Variants in TGM3 observed in about 807,000 individuals in gnomAD.
TGM3 encodes the protein transglutaminase 3.
Under a neutral mutation model 73.8 loss-of-function variants are expected in TGM3, and 52 were observed. That is an observed-to-expected ratio of 0.70 (90% CI 0.56 to 0.89). The LOEUF (loss-of-function observed/expected upper bound fraction) is 0.89, where lower values mean the gene tolerates loss of function less well. Ranked by LOEUF, TGM3 falls within the 40% of genes least tolerant of loss-of-function variation. The pLI is 0.00. For missense variants in TGM3, 928 were observed against 909.9 expected (o/e 1.02, Z -0.26); for synonymous variants, 372 against 354.9 (o/e 1.05, Z -0.54).
rs537144264 is a variant in TGM3 at position 2,334,071 on chromosome 20, A to C, written c.1643-1045A>C. Among the ~76,000 whole-genome samples, 8 of 152,280 alleles carry C rather than the reference A, an allele frequency of 5.3e-5. No homozygotes were observed. In the South Asian group the frequency reaches 1.7e-3, roughly 32 times the overall value. The stretch of plus-strand genomic sequence containing the variant: ...CCAGCATGACAGCCTGAGGGAAGGG[A>C]GCACCTAAGCCCATCAGGGTAGGGA... On this transcript the variant is annotated intron_variant, in intron 10 of 12. Transcript: ENST00000381458. This position sits in a 1 kb window ranked among gnomAD's most constrained non-coding sequence, Gnocchi z 4.0.
At chr20:2,296,658 G>A (rs1040095321) in intron 1 of TGM3, among the ~76,000 whole-genome samples, 2 of 152,112 alleles carry the variant, frequency 1.3e-5, no homozygotes, top group African/African-American at 2.4e-5. Context: ...AAGCCTCCCC[G>A]TAGCAGGAGC....
intron 7 of TGM3, among the ~76,000 whole-genome samples, chr20:2,320,957 G>T (rs1028489365): frequency 1.3e-5 from 2 of 152,164 alleles, no homozygotes; most frequent in Non-Finnish European, 2.9e-5. Context: ...CCTAGAGACT[G>T]CCCAGCCCTG....
intron 1 of TGM3, among the ~76,000 whole-genome samples, chr20:2,301,556 A>C (rs932171784): frequency 6.6e-6 from 1 of 151,662 alleles, no homozygotes; most frequent in Admixed American, 6.6e-5. Flanking sequence ...CAGAAGAGAA[A>C]ATATCAGAGT....
intron 9 of TGM3, among the ~76,000 whole-genome samples, chr20:2,331,255 G>A (rs867269205): frequency 2.0e-4 from 31 of 152,000 alleles, no homozygotes; most frequent in African/African-American, 5.3e-4. Context: ...GCTTGCAGTC[G>A]GTTACTCAGC....
intron 11 of TGM3, 119 bp from the exon 12 acceptor site, chr20:2,339,735 C>G: frequency 7.1e-7 from 1 of 1,402,328 alleles, no homozygotes; most frequent in Non-Finnish European, 9.8e-7. Context: ...AATGGTCTCC[C>G]CTTCTTCATC....
chr20:2,317,797 T>C (rs1457223763), intron 7 of TGM3, among the ~76,000 whole-genome samples: 2 of 151,892 alleles, frequency 1.3e-5, no homozygotes, highest in Non-Finnish European at 2.9e-5. Context: ...TATACTACTA[T>C]AGAATATACA....
In TGM3 at chr20:2,317,081, A is replaced by G. The variant is rs760209949; in HGVS notation, c.683A>G (p.Asp228Gly). The change falls in exon 6 of 13, where the codon GAT becomes GGT. Residue 228 changes from aspartate (D) to glycine (G), a missense_variant. Asp to Gly is a moderately conservative substitution (Grantham distance 94). Coordinates refer to ENST00000381458, the MANE Select transcript of TGM3 (RefSeq NM_003245.4). ...GTTTCTGCCCAGATCAATAGCAATG[A>G]TGACAATGGTGTGCTTGCTGGGAAT... ...RVLSAMINSN[D>G]DNGVLAGNWS... 1 of 1,613,708 alleles carries G rather than the reference A, an allele frequency of 6.2e-7. No homozygotes were observed. The highest frequency in any genetic ancestry group is 2.2e-5 in the East Asian group (1 of 44,894).
At chr20:2,327,914 T>C (rs1415654749) in intron 8 of TGM3, among the ~76,000 whole-genome samples, 1 of 152,056 alleles carries the variant, frequency 6.6e-6, no homozygotes, top group East Asian at 1.9e-4. Context: ...TAGTCTTATG[T>C]AGAGGTTGAG....
In TGM3 at chr20:2,305,058, C is replaced by T. The variant is rs556091142; in HGVS notation, c.8-4599C>T. 3.3e-5 allele frequency among the ~76,000 whole-genome samples: 5 copies of T among 152,342 alleles called. No individual in the cohort carries two copies. In the South Asian group the frequency reaches 1.0e-3, roughly 32 times the overall value. On this transcript the variant is annotated intron_variant, in intron 1 of 12. Transcript: ENST00000381458. ...GGAGGGGCACAGAGCCCCCATGCCC[C>T]CCTCCCAGCACTTCCATGAGTTCAG...
At chr20:2,329,367 C>G (rs1364045821) in intron 9 of TGM3, among the ~76,000 whole-genome samples, 2 of 152,136 alleles carry the variant, frequency 1.3e-5, no homozygotes, top group Admixed American at 6.5e-5. Flanking sequence ...GGGTGCCCCC[C>G]CAGGTGCTGG....
Position 2,332,120 on chromosome 20 carries a change from C to A in TGM3, c.1452C>A (p.Ile484=). ...LETEEQEPSI[I]GKLKVAGMLA... is the part of the protein sequence containing the mutation. ...CAGAGGAACAGGAGCCCAGCATCATCGGGAAGCTGAAGGTCGCTGGCATGC... is the reference window on the plus strand; with the variant it reads ...CAGAGGAACAGGAGCCCAGCATCATAGGGAAGCTGAAGGTCGCTGGCATGC... The change falls in exon 10 of 13, where the codon ATC becomes ATA. Residue 484 remains isoleucine (I), a synonymous_variant. Transcript: ENST00000381458. The surrounding 1 kb of genome is among the most constrained non-coding windows in gnomAD (Gnocchi z 4.4). The A allele has an allele frequency of 6.2e-7, 1 of 1,614,194 alleles. No homozygotes were observed. Among genetic ancestry groups the A allele is most frequent in the East Asian group, 2.2e-5 (1 of 44,882 alleles).
intron 1 of TGM3, among the ~76,000 whole-genome samples, chr20:2,303,519 C>A (rs1208202519): frequency 6.6e-6 from 1 of 151,968 alleles, no homozygotes; most frequent in African/African-American, 2.4e-5. Context: ...CTGAATTGTA[C>A]ATTTTAAAAT....
chr20:2,309,301 T>A (rs2084190459), intron 1 of TGM3, among the ~76,000 whole-genome samples: 1 of 152,212 alleles, frequency 6.6e-6, no homozygotes, highest in African/African-American at 2.4e-5. Context: ...CACTGAACAT[T>A]TGGCCCGTTC....
At chr20:2,338,358 A>G (rs919437733) in intron 11 of TGM3, among the ~76,000 whole-genome samples, 1 of 152,026 alleles carries the variant, frequency 6.6e-6, no homozygotes, top group African/African-American at 2.4e-5. Flanking sequence ...TTAAAAAAAG[A>G]AAAAAAAGCA....
chr20:2,335,011 A>G (rs2084341242), intron 10 of TGM3, 105 bp from the exon 11 acceptor site: 2 of 1,425,950 alleles, frequency 1.4e-6, no homozygotes, highest in African/African-American at 1.4e-5. Flanking sequence ...GGGGCTGCAG[A>G]TCCTCCCACC....
In TGM3 at chr20:2,339,986, G is replaced by A. The variant is rs1205086132; in HGVS notation, c.1933G>A (p.Asp645Asn). ...SGLLLGNLKI[D>N]VPTLGPKEGS... The stretch of plus-strand genomic sequence containing the variant: ...CCTGCTGTTGGGTAACCTGAAGATC[G>A]AGTGAGTCCTGGGCCTAAGTGGCCG... Residue 645 changes from aspartate (D) to asparagine (N), a missense_variant and splice_region_variant, in exon 12 of 13, where the codon GAC (aspartate) becomes AAC (asparagine). Asp to Asn is a conservative substitution (Grantham distance 23). Coordinates refer to ENST00000381458, the MANE Select transcript of TGM3 (RefSeq NM_003245.4). 1.4e-5 allele frequency: 21 copies of A among 1,452,990 alleles called. No individual in the cohort carries two copies. The highest frequency in any genetic ancestry group is 1.9e-4 in the Middle Eastern group (1 of 5,286). 90.0% of individuals were successfully genotyped at this position (1,452,990 alleles called of 1,614,324 possible). A position where few individuals can be genotyped will look rare whatever the true frequency, so the allele number is the denominator to read the frequency against.
In TGM3 at chr20:2,328,331, C is replaced by A; in HGVS notation, c.1299C>A (p.Arg433=). Residue 433 remains arginine, a synonymous_variant, in exon 9 of 13, where the codon CGC becomes CGA. Coordinates refer to ENST00000381458, the MANE Select transcript of TGM3 (RefSeq NM_003245.4). This position sits in a 1 kb window ranked among gnomAD's most constrained non-coding sequence, Gnocchi z 5.2. Reference sequence around the variant, plus strand: ...CCAAGGCGGTGGGCAGCAATGCTCGCATGGACGTCACGGACAAGTACAAGT... The same window carrying A: ...CCAAGGCGGTGGGCAGCAATGCTCGAATGGACGTCACGGACAAGTACAAGT... ...ISTKAVGSNA[R]MDVTDKYKYP... is the part of the protein sequence containing the mutation. The A allele has an allele frequency of 1.9e-6, 3 of 1,614,084 alleles. No individual in the cohort carries two copies. The highest frequency in any genetic ancestry group is 2.5e-6 in the Non-Finnish European group (3 of 1,180,020).
chr20:2,335,061 G>T, intron 10 of TGM3, 55 bp from the exon 11 acceptor site: 1 of 1,604,842 alleles, frequency 6.2e-7, no homozygotes, highest in South Asian at 1.1e-5. Context: ...TCTGAGGAAG[G>T]TTCAGAAGCC....
chr20:2,303,998 C>T (rs150370329), intron 1 of TGM3, among the ~76,000 whole-genome samples: 6 of 152,266 alleles, frequency 3.9e-5, no homozygotes, highest in Non-Finnish European at 8.8e-5. Context: ...TAAGTGTGTA[C>T]GTTGATGAGT....
Sources: gnomAD v4.1 joint callset for allele counts (sites outside exome capture counted in the v4.1 genomes callset) on GRCh38, gnomAD v4.1.1 for gene constraint, Gnocchi (gnomAD v3.1) non-coding constraint, MANE v1.5 for transcripts, NCBI Gene and HGNC (gene_info 2026-07-23, HGNC 2026-07-21) for gene names.